Variants in QTGAL observed in about 807,000 individuals in gnomAD.
The protein encoded by QTGAL is BGnT-like protein 1.
At chr17:82,969,823 G>A in the QTGAL span, among the ~76,000 whole-genome samples, 1 of 152,084 alleles carries the variant, frequency 6.6e-6, no homozygotes, top group Non-Finnish European at 1.5e-5. Context: ...GGGACTACAG[G>A]TGTGGACCAG....
the QTGAL span, among the ~76,000 whole-genome samples, chr17:82,974,365 G>A: frequency 0.011 from 1,696 of 152,318 alleles, 36 homozygotes; most frequent in African/African-American, 0.039. Flanking sequence ...AACGCTGGCC[G>A]CCTCGAGCAG....
chr17:82,964,766 G>A, the QTGAL span, among the ~76,000 whole-genome samples: 10 of 119,594 alleles, frequency 8.4e-5, no homozygotes, highest in Non-Finnish European at 1.6e-4. Context: ...GGGGGACGGG[G>A]ACACGGACGC....
chr17:82,971,617 A>G, the QTGAL span, among the ~76,000 whole-genome samples: 1 of 147,788 alleles, frequency 6.8e-6, no homozygotes, highest in South Asian at 2.2e-4. Context: ...ACCACACCAC[A>G]CCACAGGGGC....
chr17:82,983,215 G>A, the QTGAL span, among the ~76,000 whole-genome samples: 4 of 152,212 alleles, frequency 2.6e-5, no homozygotes, highest in South Asian at 4.1e-4. Flanking sequence ...AGAAGGCGGA[G>A]GTTGCAGTGA....
At chr17:83,026,480 C>T in the QTGAL span, among the ~76,000 whole-genome samples, 13 of 152,198 alleles carry the variant, frequency 8.5e-5, no homozygotes, top group Non-Finnish European at 8.8e-5. Flanking sequence ...ATACACAGAG[C>T]GGGGCAGGGA....
the QTGAL span, among the ~76,000 whole-genome samples, chr17:82,985,511 C>T: frequency 4.6e-5 from 7 of 152,322 alleles, no homozygotes; most frequent in Middle Eastern, 3.4e-3. Flanking sequence ...TGTTACCCCT[C>T]GATTCGGAAC....
the QTGAL span, among the ~76,000 whole-genome samples, chr17:82,958,252 C>T: frequency 3.6e-4 from 55 of 152,318 alleles, no homozygotes; most frequent in African/African-American, 1.2e-3. Context: ...GCCAGAACGG[C>T]GTGGGATGTG....
the QTGAL span, chr17:82,947,256 G>A: frequency 4.3e-6 from 2 of 466,138 alleles, no homozygotes; most frequent in Non-Finnish European, 3.8e-6. Flanking sequence ...CTCTCCCTGG[G>A]GGCACTCGGA....
At chr17:83,048,486 G>C in the QTGAL span, 2 of 1,611,824 alleles carry the variant, frequency 1.2e-6, no homozygotes, top group South Asian at 2.2e-5. Context: ...CTAGGAGAGG[G>C]AGAATCGTGC....
the QTGAL span, chr17:83,051,748 G>T: frequency 6.7e-7 from 1 of 1,497,240 alleles, no homozygotes; most frequent in Non-Finnish European, 8.8e-7. Flanking sequence ...ACGTGGGCCT[G>T]CATGGCCTGG....
the QTGAL span, among the ~76,000 whole-genome samples, chr17:83,010,570 GCATGT>G: frequency 1.3e-5 from 2 of 152,380 alleles, no homozygotes; most frequent in East Asian, 3.9e-4. Context: ...CTCCCAGGCT[GCATGT>G]GCAGAGGGGC....
the QTGAL span, among the ~76,000 whole-genome samples, chr17:82,957,908 G>A: frequency 6.6e-6 from 1 of 152,088 alleles, no homozygotes; most frequent in African/African-American, 2.4e-5. Context: ...CCTCAGGGTC[G>A]CTGCCCCGAA....
At chr17:82,960,986 G>A in the QTGAL span, 276 of 1,531,106 alleles carry the variant, frequency 1.8e-4, no homozygotes, top group African/African-American at 3.0e-3. Flanking sequence ...CACCAACCCC[G>A]GCCCCGACCT....
chr17:83,002,662 G>C, the QTGAL span, among the ~76,000 whole-genome samples: 9 of 152,188 alleles, frequency 5.9e-5, no homozygotes, highest in Non-Finnish European at 1.3e-4. Context: ...TCAGACGGCA[G>C]CCAGTCATAC....
At chr17:83,048,827 T>TA in the QTGAL span, 18 of 1,551,156 alleles carry the variant, frequency 1.2e-5, no homozygotes, top group Middle Eastern at 5.0e-4. Flanking sequence ...TGTGAAAACT[T>TA]AGTTCCCTTT....
chr17:82,966,314 C>T, the QTGAL span, among the ~76,000 whole-genome samples: 4 of 152,134 alleles, frequency 2.6e-5, no homozygotes, highest in Non-Finnish European at 5.9e-5. Flanking sequence ...CTCAGCCTCC[C>T]AAAGTGCTGG....
At chr17:83,015,187 G>A in the QTGAL span, among the ~76,000 whole-genome samples, 1 of 148,968 alleles carries the variant, frequency 6.7e-6, no homozygotes, top group Non-Finnish European at 1.5e-5. The surrounding 1 kb of genome is among the most constrained non-coding windows in gnomAD (Gnocchi z 4.4). Context: ...TGCCACCACT[G>A]TGGAGGGGGA....
chr17:83,030,065 G>A, the QTGAL span, among the ~76,000 whole-genome samples: 3 of 152,162 alleles, frequency 2.0e-5, no homozygotes, highest in Admixed American at 6.5e-5. Context: ...CGGGCCACGC[G>A]TGAACAAATG....
chr17:82,993,276 A>G, the QTGAL span, among the ~76,000 whole-genome samples: 1 of 152,258 alleles, frequency 6.6e-6, no homozygotes, highest in East Asian at 1.9e-4. Flanking sequence ...GTGGAAAAAC[A>G]TACTCCATGC....
Sources: allele counts gnomAD v4.1 joint callset (sites outside exome capture counted in the v4.1 genomes callset), GRCh38; gene constraint gnomAD v4.1.1; non-coding constraint Gnocchi (gnomAD v3.1); transcripts MANE v1.5; gene names NCBI Gene and HGNC (gene_info 2026-07-23, HGNC 2026-07-21).